The following EGLN1 variants were observed in gnomAD, a reference collection of about 807,000 sequenced individuals.
The protein encoded by EGLN1 is egl-9 family hypoxia inducible factor 1, also known as egl nine homolog 1.
EGLN1 carries 17 observed loss-of-function variants against 38.3 expected under a neutral mutation model. The ratio of observed to expected loss-of-function variants is 0.44; its 90% CI spans 0.30 to 0.67. The LOEUF is 0.67. Ranked by LOEUF, EGLN1 falls within the 30% of genes least tolerant of loss-of-function variation. The pLI is 0.08. For missense variants in EGLN1, 477 were observed against 603.3 expected, an observed-to-expected ratio of 0.79 and a Z score of 2.19; for synonymous variants, 283 against 257.5, an observed-to-expected ratio of 1.10 and a Z score of -0.95.
chr1:231,411,126 T>C (rs1469852485), intron 1 of EGLN1, among the ~76,000 whole-genome samples: 1 of 152,210 alleles, frequency 6.6e-6, no homozygotes, highest in Non-Finnish European at 1.5e-5. Flanking sequence ...AAATCTCATA[T>C]TGAATTATAA....
rs1197957524 is a variant in EGLN1 at position 231,367,708 on chromosome 1, A to G, written c.1149-72T>C. The stretch of plus-strand genomic sequence containing the variant: ...AAAAGTGGTATTTTGCTGCAATGGT[A>G]TATTAAAACTTGTAATGCCAAAATT... On this transcript the variant is annotated intron_variant, in intron 3 of 4. Coordinates refer to ENST00000366641, the MANE Select transcript of EGLN1 (RefSeq NM_022051.3). The G allele has an allele frequency of 2.1e-6, 3 of 1,406,522 alleles. No homozygotes were observed. In the East Asian group the frequency reaches 6.8e-5, roughly 32 times the overall value. The allele number at this position is 1,406,522 out of a possible 1,614,324, so 87.1% of individuals were successfully genotyped here.
At chr1:231,408,576 A>G (rs756747925) in intron 1 of EGLN1, among the ~76,000 whole-genome samples, 3 of 152,174 alleles carry the variant, frequency 2.0e-5, no homozygotes, top group Non-Finnish European at 2.9e-5. Flanking sequence ...TCCAGATAGA[A>G]AGTGATTTTT....
Position 231,421,852 on chromosome 1 carries a change from G to C in EGLN1, c.37C>G (p.Pro13Ala). 1.3e-6 allele frequency: 2 copies of C among 1,492,936 alleles called. No individual in the cohort carries two copies. Among genetic ancestry groups the C allele is most frequent in the South Asian group, 2.5e-5 (2 of 80,002 alleles). The allele number at this position is 1,492,936 out of a possible 1,614,324, so 92.5% of individuals were successfully genotyped here. Residue 13 changes from proline to alanine, a missense_variant, in exon 1 of 5, where the codon CCG (proline) becomes GCG (alanine). By Grantham distance (27) the Pro-to-Ala change is conservative (BLOSUM62 -1). Around this residue, in one of 4 missense-constraint regions of EGLN1, gnomAD observed 298 missense variants for 288.9 expected, o/e 1.03. Transcript: ENST00000366641. This position sits in a 1 kb window ranked among gnomAD's most constrained non-coding sequence, Gnocchi z 5.5. ...NDSGGPGGPS[P>A]SERDRQYCEL... ...CAGTACTGCCGGTCTCGCTCGCTCG[G>C]GCTCGGCCCGCCGGGCCCGCCGCTG...
intron 1 of EGLN1, among the ~76,000 whole-genome samples, chr1:231,385,095 T>C (rs1688168130): frequency 6.6e-6 from 1 of 152,164 alleles, no homozygotes; most frequent in Middle Eastern, 3.2e-3. Flanking sequence ...CATACTATCT[T>C]AAAGGCAGAA....
chr1:231,401,658 T>C (rs1394340147), intron 1 of EGLN1, among the ~76,000 whole-genome samples: 1 of 152,200 alleles, frequency 6.6e-6, no homozygotes, highest in Non-Finnish European at 1.5e-5. Context: ...CATAAAAGAC[T>C]AGTTCACTTC....
intron 1 of EGLN1, among the ~76,000 whole-genome samples, chr1:231,415,322 T>A (rs577381979): frequency 1.4e-5 from 2 of 146,408 alleles, no homozygotes; most frequent in East Asian, 4.0e-4. Flanking sequence ...TAAGTAGAAA[T>A]ATGTATAAAG....
intron 1 of EGLN1, among the ~76,000 whole-genome samples, chr1:231,416,897 CAT>C (rs770267102): frequency 9.2e-5 from 14 of 152,192 alleles, no homozygotes; most frequent in Non-Finnish European, 1.9e-4. Context: ...TAAATTCTGA[CAT>C]AGTTATAAAA....
At chr1:231,416,991 T>C (rs1240966658) in intron 1 of EGLN1, among the ~76,000 whole-genome samples, 1 of 152,240 alleles carries the variant, frequency 6.6e-6, no homozygotes. Context: ...AAGGTGTACT[T>C]ATGTATTTAG....
chr1:231,370,815 CAATA>C, intron 2 of EGLN1, 117 bp from the exon 3 acceptor site: 1 of 1,147,924 alleles, frequency 8.7e-7, no homozygotes, highest in East Asian at 2.4e-5. Flanking sequence ...AAATACGTCT[CAATA>C]AAGTATGAAG....
chr1:231,382,862 A>C (rs554768741), intron 1 of EGLN1, among the ~76,000 whole-genome samples: 17 of 152,228 alleles, frequency 1.1e-4, no homozygotes, highest in African/African-American at 3.9e-4. Flanking sequence ...GTTTGAGACC[A>C]GCCTGGCCAA....
chr1:231,372,468 G>A (rs1267010612), intron 2 of EGLN1, among the ~76,000 whole-genome samples: 1 of 152,112 alleles, frequency 6.6e-6, no homozygotes, highest in African/African-American at 2.4e-5. Context: ...CCTAGAAAAA[G>A]CCTAACAAAA....
rs1687640210 is a variant in EGLN1, at chr1:231,366,189, A to ATCT, written c.*219_*221dup. Reference sequence around the variant, plus strand: ...AAAAACCATTTTCAATTAGTAGCTTATCTTCCTCCTGTAAGCAATCACAGA... The same window carrying ATCT: ...AAAAACCATTTTCAATTAGTAGCTTATCTTCTTCCTCCTGTAAGCAATCACAGA... On this transcript the variant is annotated 3_prime_UTR_variant, in exon 5 of 5. Coordinates refer to ENST00000366641, the MANE Select transcript of EGLN1 (RefSeq NM_022051.3). The ATCT allele has an allele frequency of 3.4e-6, 2 of 585,098 alleles. No individual in the cohort carries two copies. Among genetic ancestry groups the ATCT allele is most frequent in the Non-Finnish European group, 6.1e-6 (2 of 330,382 alleles). 36.2% of individuals were successfully genotyped at this position (585,098 alleles called of 1,614,324 possible). A position where few individuals can be genotyped will look rare whatever the true frequency, so the allele number is the denominator to read the frequency against.
chr1:231,421,701 C>A lies in EGLN1; in HGVS notation c.188G>T (p.Gly63Val). The A allele has an allele frequency of 6.6e-7, 1 of 1,514,740 alleles. No individual in the cohort carries two copies. The highest frequency in any genetic ancestry group is 8.8e-7 in the Non-Finnish European group (1 of 1,137,570). 93.8% of individuals were successfully genotyped at this position (1,514,740 alleles called of 1,614,324 possible). ...TGGGCCCACTCCGTGGCCGAGGGCG[C>A]CCTCGCTGCCCTGGCACACGAGCTT... ...KHKLVCQGSE[G>V]ALGHGVGPHQ... Residue 63 changes from glycine (G) to valine (V), a missense_variant, in exon 1 of 5, where the codon GGC becomes GTC. Gly to Val is a moderately radical substitution (Grantham distance 109). This residue lies in a region of EGLN1 where 298 missense variants were observed against 288.9 expected (regional missense o/e 1.03). Coordinates refer to ENST00000366641, the MANE Select transcript of EGLN1 (RefSeq NM_022051.3). The surrounding 1 kb of genome is among the most constrained non-coding windows in gnomAD (Gnocchi z 5.5).
At chr1:231,403,058 CATTTT>C (rs1182489195) in intron 1 of EGLN1, among the ~76,000 whole-genome samples, 1 of 152,034 alleles carries the variant, frequency 6.6e-6, no homozygotes, top group Non-Finnish European at 1.5e-5. Context: ...TTCAAAATTT[CATTTT>C]ATTACTGATT....
At chr1:231,374,705 T>C (rs111235399) in intron 1 of EGLN1, among the ~76,000 whole-genome samples, 13 of 152,158 alleles carry the variant, frequency 8.5e-5, no homozygotes, top group African/African-American at 3.1e-4. Context: ...TTTGTAGATA[T>C]GGTGTCTTAC....
chr1:231,419,475 C>T (rs1245342913), intron 1 of EGLN1, among the ~76,000 whole-genome samples: 1 of 152,192 alleles, frequency 6.6e-6, no homozygotes, highest in African/African-American at 2.4e-5. Context: ...TTTGGTCAGT[C>T]TTCACAGCCC....
intron 1 of EGLN1, among the ~76,000 whole-genome samples, chr1:231,386,621 G>A (rs754005369): frequency 6.6e-6 from 1 of 152,048 alleles, no homozygotes; most frequent in Non-Finnish European, 1.5e-5. Flanking sequence ...CAACCAGACT[G>A]TAGACTCCAA....
At chr1:231,369,471 C>A in intron 3 of EGLN1, 1 of 591,808 alleles carries the variant, frequency 1.7e-6, no homozygotes, top group Non-Finnish European at 2.1e-6. Flanking sequence ...GCAGAGACAG[C>A]ACTGGGATGC....
At chr1:231,390,929 C>A (rs1242368206) in intron 1 of EGLN1, among the ~76,000 whole-genome samples, 1 of 151,876 alleles carries the variant, frequency 6.6e-6, no homozygotes, top group African/African-American at 2.4e-5. Context: ...CTCACCGCAA[C>A]GTCAAACTCC....
Sources: gnomAD v4.1 joint callset for allele counts (sites outside exome capture counted in the v4.1 genomes callset) on GRCh38, gnomAD v4.1.1 for gene constraint, gnomAD v4.1.1 regional missense constraint, Gnocchi (gnomAD v3.1) non-coding constraint, MANE v1.5 for transcripts, NCBI Gene and HGNC (gene_info 2026-07-23, HGNC 2026-07-21) for gene names.